The following LYST variants were observed in gnomAD, a reference collection of about 807,000 sequenced individuals.
LYST encodes the protein lysosomal-trafficking regulator.
Under a neutral mutation model 413.6 loss-of-function variants are expected in LYST, and 192 were observed. The observed-to-expected ratio is 0.46, with a 90% CI of 0.41 to 0.52. The LOEUF is 0.52. Among genes scored for constraint, LYST ranks in the 20% least tolerant of loss-of-function variants. LYST has a pLI of 0.00. For synonymous variants in LYST, 1,525 were observed against 1,567.3 expected, an observed-to-expected ratio of 0.97 and a Z score of 0.64; for missense variants, 3,815 against 4,499.9, an observed-to-expected ratio of 0.85 and a Z score of 4.35.
At chr1:235,842,373 C>A (rs1395390674) in intron 1 of LYST, among the ~76,000 whole-genome samples, 4 of 152,150 alleles carry the variant, frequency 2.6e-5, no homozygotes, top group African/African-American at 9.7e-5. Context: ...CAGATGACAA[C>A]ATCCACAGTG....
intron 47 of LYST, among the ~76,000 whole-genome samples, chr1:235,687,462 A>T (rs1558116420): frequency 6.6e-6 from 1 of 152,206 alleles, no homozygotes; most frequent in East Asian, 1.9e-4. Flanking sequence ...GTGGGGAAAC[A>T]GGTACATGTA....
At chr1:235,755,404 A>AAAAGG in intron 25 of LYST, 74 bp downstream of exon 25, 1 of 1,260,074 alleles carries the variant, frequency 7.9e-7, no homozygotes, top group South Asian at 1.2e-5. Context: ...AAAAGAAAAG[A>AAAAGG]AAAGAAAAGA....
intron 21 of LYST, among the ~76,000 whole-genome samples, 160 bp from the exon 22 acceptor site, chr1:235,763,011 C>A (rs923161066): frequency 6.6e-5 from 10 of 152,154 alleles, no homozygotes; most frequent in Non-Finnish European, 1.5e-4. Context: ...TATGTGAATA[C>A]TTACTCTTCA....
At chr1:235,877,136 G>A (rs554653615) in intron 1 of LYST, among the ~76,000 whole-genome samples, 3 of 152,308 alleles carry the variant, frequency 2.0e-5, no homozygotes, top group South Asian at 4.1e-4. Flanking sequence ...TGGGATCCCT[G>A]GTTGAAGTCA....
chr1:235,667,047 A>G (rs1177474970), intron 50 of LYST, among the ~76,000 whole-genome samples: 2 of 152,206 alleles, frequency 1.3e-5, no homozygotes, highest in African/African-American at 2.4e-5. Flanking sequence ...AACTTGGGCT[A>G]CCACAAAACC....
chr1:235,858,108 C>G (rs150185548), intron 1 of LYST, among the ~76,000 whole-genome samples: 111 of 152,300 alleles, frequency 7.3e-4, no homozygotes, highest in South Asian at 2.3e-3. Flanking sequence ...TTCCAACACA[C>G]AAGACTTAAT....
chr1:235,871,209 C>A (rs1166062568), upstream of LYST, among the ~76,000 whole-genome samples: 1 of 152,204 alleles, frequency 6.6e-6, no homozygotes, highest in Non-Finnish European at 1.5e-5. Flanking sequence ...CAAAAGTTAT[C>A]AGATTTGGTT....
chr1:235,830,523 G>A (rs1675859815), intron 2 of LYST, 99 bp from the exon 3 acceptor site: 8 of 962,694 alleles, frequency 8.3e-6, no homozygotes, highest in Non-Finnish European at 1.1e-5. Context: ...ACTGAAGATT[G>A]GCTTAAAATT....
At chr1:235,734,999 C>T (rs918878026) in intron 31 of LYST, 1 of 167,078 alleles carries the variant, frequency 6.0e-6, no homozygotes, top group African/African-American at 2.4e-5. Flanking sequence ...AAAATAGTAA[C>T]AACTGTTAAA....
intron 31 of LYST, chr1:235,738,943 A>G (rs1665078854): frequency 4.1e-6 from 3 of 728,080 alleles, no homozygotes; most frequent in Admixed American, 1.8e-5. Flanking sequence ...CATTTGAAGA[A>G]CAGTGCAGAT....
chr1:235,804,236 T>C (rs1345228075), intron 7 of LYST, among the ~76,000 whole-genome samples: 5 of 152,210 alleles, frequency 3.3e-5, no homozygotes, highest in Non-Finnish European at 7.4e-5. Flanking sequence ...TATTTCTGTC[T>C]TAACTCGAAG....
At chr1:235,881,555 A>G (rs1264730229) in intron 1 of LYST, among the ~76,000 whole-genome samples, 2 of 152,206 alleles carry the variant, frequency 1.3e-5, no homozygotes, top group African/African-American at 2.4e-5. Context: ...ATAAAAGCCA[A>G]AGGGGAAGCA....
At chr1:235,694,239 TC>T (rs1256669532) in intron 46 of LYST, among the ~76,000 whole-genome samples, 1 of 152,072 alleles carries the variant, frequency 6.6e-6, no homozygotes, top group Non-Finnish European at 1.5e-5. Context: ...GGTCTCGAAC[TC>T]CTGACCTCAA....
chr1:235,723,002 A>G (rs1663520584), intron 39 of LYST, among the ~76,000 whole-genome samples: 1 of 152,216 alleles, frequency 6.6e-6, no homozygotes, highest in East Asian at 1.9e-4. Context: ...AGTGGCTTAA[A>G]CCAGGATGGT....
chr1:235,819,237 G>A (rs539693750), intron 3 of LYST, among the ~76,000 whole-genome samples: 84 of 152,170 alleles, frequency 5.5e-4, no homozygotes, highest in Non-Finnish European at 6.8e-4. Flanking sequence ...TCATCATTGG[G>A]GAAGTTCTCT....
chr1:235,688,923 T>C (rs1660417906), intron 47 of LYST, among the ~76,000 whole-genome samples: 1 of 151,104 alleles, frequency 6.6e-6, no homozygotes, highest in South Asian at 2.1e-4. Context: ...AGGGGGAGGT[T>C]GCAGTGAGCC....
At chr1:235,828,862 T>G (rs1675625094) in intron 3 of LYST, 1 of 797,460 alleles carries the variant, frequency 1.3e-6, no homozygotes, top group African/African-American at 1.9e-5. Context: ...ATATAAAAAT[T>G]ATATTTAATC....
chr1:235,804,610 T>A lies in LYST; in HGVS notation c.3449A>T (p.Lys1150Met), dbSNP rs1232270706. 6.2e-7 allele frequency: 1 copy of A among 1,610,694 alleles called. No individual in the cohort carries two copies. Among genetic ancestry groups the A allele is most frequent in the Non-Finnish European group, 8.5e-7 (1 of 1,177,080 alleles). The change falls in exon 7 of 53, where the codon AAG becomes ATG. Residue 1150 changes from lysine to methionine, a missense_variant. Lys to Met is a moderately conservative substitution (Grantham distance 95, BLOSUM62 -1). This residue lies in a region of LYST where 1,648 missense variants were observed against 1,810.3 expected (regional missense o/e 0.91). Transcript: ENST00000389793. ...CTTTGCTAGTTGTGTTTCAATCACC[T>A]TTGACTGGGAAAGATGGTCCCTCAT... ...FEMRDHLSQS[K>M]VIETQLAKPL...
rs531780017 is a variant in LYST, at chr1:235,809,397, T to C, written c.1421A>G (p.Asn474Ser). The C allele has an allele frequency of 5.0e-6, 8 of 1,613,964 alleles. No individual in the cohort carries two copies. In the African/African-American group the frequency reaches 5.3e-5, roughly 11 times the overall value. Residue 474 changes from asparagine to serine, a missense_variant, in exon 5 of 53, where the codon AAT (asparagine) becomes AGT (serine). Coordinates refer to ENST00000389793, the MANE Select transcript of LYST (RefSeq NM_000081.4). The surrounding 1 kb of genome is among the most constrained non-coding windows in gnomAD (Gnocchi z 4.0). ...AGTGCTCATTATTTTCATCACACTA[T>C]TTATTAGGGCTTTCAAATGCTCTGA... ...EASEHLKALI[N>S]SVMKIMSTVK...
Sources: gnomAD v4.1 joint callset for allele counts (sites outside exome capture counted in the v4.1 genomes callset) on GRCh38, gnomAD v4.1.1 for gene constraint, gnomAD v4.1.1 regional missense constraint, Gnocchi (gnomAD v3.1) non-coding constraint, MANE v1.5 for transcripts, NCBI Gene and HGNC (gene_info 2026-07-23, HGNC 2026-07-21) for gene names.